ZNF385D: variants seen among roughly 807,000 people sequenced by gnomAD.
ZNF385D encodes the protein zinc finger protein 385D.
In ZNF385D, 15 loss-of-function variants were observed where a neutral mutation model predicts 35.8. The observed-to-expected ratio is 0.42, with a 90% CI of 0.28 to 0.64. ZNF385D has a LOEUF of 0.64. Among genes scored for constraint, ZNF385D ranks in the 30% least tolerant of loss-of-function variants. The pLI is 0.23. For missense variants in ZNF385D, 474 were observed against 494.6 expected (o/e 0.96, Z 0.39); for synonymous variants, 212 against 186.8 (o/e 1.13, Z -1.10).
At chr3:22,045,495 C>T (rs112237326) in intron 3 of ZNF385D, among the ~76,000 whole-genome samples, 1 of 152,058 alleles carries the variant, frequency 6.6e-6, no homozygotes, top group African/African-American at 2.4e-5. Flanking sequence ...TAAGCTCCCA[C>T]TTCTCTTTTA....
intron 2 of ZNF385D, among the ~76,000 whole-genome samples, chr3:21,661,475 T>C (rs1428906139): frequency 6.6e-6 from 1 of 152,148 alleles, no homozygotes; most frequent in African/African-American, 2.4e-5. Flanking sequence ...TGAACTAAGC[T>C]CAAACCCCTT....
Position 22,288,205 on chromosome 3 carries a change from A to G in ZNF385D, c.106+84245T>C, listed in dbSNP as rs1702124274. On this transcript the variant is annotated intron_variant, in intron 2 of 5. Transcript: ENST00000494108. ...AAATTTTCTAATTTTGATAATTTAA[A>G]ATAATGTGCCTCAGAGTGAGTATCT... 2.0e-5 allele frequency among the ~76,000 whole-genome samples: 3 copies of G among 152,084 alleles called. No homozygotes were observed. The South Asian group carries it at 6.2e-4, about 32-fold the overall frequency.
intron 4 of ZNF385D, among the ~76,000 whole-genome samples, chr3:21,444,727 G>C (rs1191438535): frequency 2.6e-5 from 4 of 152,090 alleles, no homozygotes; most frequent in Non-Finnish European, 5.9e-5. Flanking sequence ...AGCTTCATAG[G>C]GACCGGCCAT....
At chr3:22,097,167 C>G (rs1461482979) in intron 3 of ZNF385D, among the ~76,000 whole-genome samples, 1 of 152,100 alleles carries the variant, frequency 6.6e-6, no homozygotes. Context: ...GCTGCGCTTG[C>G]AGAATCCTTT....
At chr3:21,810,530 C>T (rs2072870857) in intron 3 of ZNF385D, among the ~76,000 whole-genome samples, 1 of 151,780 alleles carries the variant, frequency 6.6e-6, no homozygotes, top group Non-Finnish European at 1.5e-5. Flanking sequence ...AATAAAAAAA[C>T]TATATATGTG....
At chr3:21,882,318 A>C (rs1698319953) in intron 3 of ZNF385D, among the ~76,000 whole-genome samples, 1 of 151,968 alleles carries the variant, frequency 6.6e-6, no homozygotes, top group South Asian at 2.1e-4. Context: ...AGCAGGCATC[A>C]ACATCAAGGC....
intron 2 of ZNF385D, among the ~76,000 whole-genome samples, chr3:22,290,723 G>A (rs919818497): frequency 1.1e-4 from 17 of 152,188 alleles, no homozygotes; most frequent in Non-Finnish European, 2.2e-4. Context: ...AAAATCCAAC[G>A]TGTAGGATTT....
At chr3:22,033,244 A>G (rs1698112934) in intron 3 of ZNF385D, among the ~76,000 whole-genome samples, 1 of 151,876 alleles carries the variant, frequency 6.6e-6, no homozygotes, top group South Asian at 2.1e-4. Flanking sequence ...TCTACTAAAA[A>G]TACAAAAATC....
intron 3 of ZNF385D, among the ~76,000 whole-genome samples, chr3:22,128,714 A>T (rs764177813): frequency 1.9e-4 from 29 of 152,256 alleles, no homozygotes; most frequent in South Asian, 1.0e-3. Context: ...CAGAATTTTG[A>T]AGAGCAGCTC....
chr3:21,577,073 T>TAATA (rs2063517341), intron 2 of ZNF385D, among the ~76,000 whole-genome samples: 1 of 152,190 alleles, frequency 6.6e-6, no homozygotes, highest in Non-Finnish European at 1.5e-5. Flanking sequence ...TCTATATCTT[T>TAATA]AATAAAGTGC....
chr3:21,890,608 G>C (rs980008222), intron 3 of ZNF385D, among the ~76,000 whole-genome samples: 1 of 152,076 alleles, frequency 6.6e-6, no homozygotes, highest in Non-Finnish European at 1.5e-5. Context: ...GACAGAGTGA[G>C]ACTCCGTCTC....
At chr3:21,491,477 C>T (rs896616412) in intron 4 of ZNF385D, among the ~76,000 whole-genome samples, 1 of 151,966 alleles carries the variant, frequency 6.6e-6, no homozygotes, top group Admixed American at 6.6e-5. Context: ...CAGTTAACCA[C>T]CAGAATCATT....
chr3:21,493,637 C>CTT (rs11443396), intron 4 of ZNF385D, among the ~76,000 whole-genome samples: 17 of 146,038 alleles, frequency 1.2e-4, no homozygotes, highest in African/African-American at 1.5e-4. Context: ...TGGATTTTTT[C>CTT]TTTTTTTTTT....
At chr3:22,214,779 G>C (rs1474320239) in intron 2 of ZNF385D, among the ~76,000 whole-genome samples, 1 of 152,032 alleles carries the variant, frequency 6.6e-6, no homozygotes, top group Admixed American at 6.6e-5. Flanking sequence ...TGTTATCAAT[G>C]ACAATGCATG....
At chr3:21,806,765 T>G (rs1319137937) in intron 3 of ZNF385D, among the ~76,000 whole-genome samples, 1 of 152,190 alleles carries the variant, frequency 6.6e-6, no homozygotes, top group Non-Finnish European at 1.5e-5. Flanking sequence ...GTCAGAAAAC[T>G]CACTTGTGGC....
chr3:21,701,719 AG>A (rs1236202309), intron 1 of ZNF385D, among the ~76,000 whole-genome samples: 1 of 152,330 alleles, frequency 6.6e-6, no homozygotes. Context: ...ATAGGGGTAC[AG>A]GTATTAGATA....
rs147198753 is a variant in ZNF385D at position 21,482,015 on chromosome 3, G to T, written c.439+28846C>A. ...GTTTCCAGATTTCATTCACCGTCCT[G>T]GGTGTTTTTTTCTGACCTTCAATAA... On this transcript the variant is annotated intron_variant, in intron 4 of 7. Transcript: ENST00000281523. Among the ~76,000 whole-genome samples, 184 of 152,198 alleles carry T rather than the reference G, an allele frequency of 1.2e-3. 1 individual carries two copies. Among genetic ancestry groups the T allele is most frequent in the African/African-American group, 4.2e-3 (175 of 41,556 alleles).
intron 3 of ZNF385D, among the ~76,000 whole-genome samples, chr3:21,901,002 C>T (rs918539429): frequency 6.6e-6 from 1 of 152,216 alleles, no homozygotes; most frequent in African/African-American, 2.4e-5. Flanking sequence ...CATGCCTGTG[C>T]TCTTCCTACT....
intron 2 of ZNF385D, among the ~76,000 whole-genome samples, chr3:22,195,951 T>G (rs1241407817): frequency 3.3e-5 from 5 of 152,004 alleles, no homozygotes; most frequent in African/African-American, 1.2e-4. Flanking sequence ...ATGTTCTCAT[T>G]TATAAGTGTG....
Sources: allele counts gnomAD v4.1 joint callset (sites outside exome capture counted in the v4.1 genomes callset), GRCh38; gene constraint gnomAD v4.1.1; transcripts MANE v1.5; gene names NCBI Gene and HGNC (gene_info 2026-07-23, HGNC 2026-07-21).